Variants in BLTP1 observed in about 807,000 individuals in gnomAD.
The protein encoded by BLTP1 is fragile site-associated protein.
the BLTP1 span, among the ~76,000 whole-genome samples, chr4:122,321,979 A>ATTTT: frequency 3.7e-5 from 1 of 27,020 alleles, no homozygotes; most frequent in East Asian, 1.3e-3. Context: ...ACTACATGTA[A>ATTTT]TTTTTTTTTT....
At chr4:122,309,078 A>T in the BLTP1 span, 1 of 315,328 alleles carries the variant, frequency 3.2e-6, no homozygotes, top group Non-Finnish European at 4.6e-6. Context: ...TAAGAAAAAA[A>T]ATGCACATGG....
At chr4:122,299,717 ATAT>A in the BLTP1 span, 814 of 814,642 alleles carry the variant, frequency 1.0e-3, 6 homozygotes, top group African/African-American at 0.014. Context: ...TGGGGGGGTG[ATAT>A]TATATACACA....
chr4:122,206,898 C>T, the BLTP1 span, among the ~76,000 whole-genome samples: 1 of 151,288 alleles, frequency 6.6e-6, no homozygotes, highest in Non-Finnish European at 1.5e-5. Flanking sequence ...TATAAAATTT[C>T]TCTTATTTGG....
chr4:122,274,297 T>G, the BLTP1 span: 1 of 993,246 alleles, frequency 1.0e-6, no homozygotes, highest in Non-Finnish European at 1.6e-6. Flanking sequence ...GAAATGCAAG[T>G]ATCTTATATC....
the BLTP1 span, chr4:122,197,115 C>A: frequency 1.3e-6 from 1 of 758,068 alleles, no homozygotes; most frequent in South Asian, 2.3e-5. Flanking sequence ...ATAATTTCTT[C>A]TGTAATAATA....
At chr4:122,262,512 G>A in the BLTP1 span, among the ~76,000 whole-genome samples, 1 of 152,056 alleles carries the variant, frequency 6.6e-6, no homozygotes, top group African/African-American at 2.4e-5. Context: ...AAAATAAGTG[G>A]ATGTGCTTCA....
the BLTP1 span, among the ~76,000 whole-genome samples, chr4:122,338,880 T>C: frequency 6.6e-6 from 1 of 152,182 alleles, no homozygotes; most frequent in Non-Finnish European, 1.5e-5. Flanking sequence ...AATGATAGCA[T>C]TTTGTTTATA....
chr4:122,275,345 A>G, the BLTP1 span, among the ~76,000 whole-genome samples: 2 of 152,232 alleles, frequency 1.3e-5, no homozygotes, highest in African/African-American at 4.8e-5. Context: ...AGAAAGATCA[A>G]CATAGTGCCT....
the BLTP1 span, chr4:122,251,624 C>G: frequency 1.0e-6 from 1 of 984,286 alleles, no homozygotes; most frequent in Non-Finnish European, 1.2e-6. Context: ...TCTCCTTCAC[C>G]TACTAAAATA....
chr4:122,218,851 G>C, the BLTP1 span, among the ~76,000 whole-genome samples: 1 of 152,132 alleles, frequency 6.6e-6, no homozygotes, highest in African/African-American at 2.4e-5. Context: ...AACCAAGATT[G>C]GATATTTTTA....
chr4:122,208,197 CAT>C, the BLTP1 span: 2 of 767,148 alleles, frequency 2.6e-6, no homozygotes, highest in Non-Finnish European at 3.2e-6. Context: ...GACACTATTC[CAT>C]GTGCTTTATG....
At chr4:122,266,639 T>TATA in the BLTP1 span, 1 of 572,882 alleles carries the variant, frequency 1.7e-6, no homozygotes, top group East Asian at 3.3e-5. Context: ...GTCAATTATA[T>TATA]GAGACCATTT....
chr4:122,277,201 C>T, the BLTP1 span: 1 of 457,446 alleles, frequency 2.2e-6, no homozygotes, highest in Admixed American at 6.4e-5. Context: ...GTTAGCTGGG[C>T]ATGGTGGCAC....
At chr4:122,267,051 A>ATTTTTTTATTTTTTTTTT in the BLTP1 span, 1 of 138,564 alleles carries the variant, frequency 7.2e-6, no homozygotes, top group Non-Finnish European at 1.3e-5. Context: ...TAAGGAAGTA[A>ATTTTTTTATTTTTTTTTT]TTTTTTTTTT....
At chr4:122,159,852 A>G in the BLTP1 span, among the ~76,000 whole-genome samples, 8 of 152,144 alleles carry the variant, frequency 5.3e-5, no homozygotes, top group African/African-American at 1.9e-4. Flanking sequence ...GACAATTTCT[A>G]TTATTTCTGA....
the BLTP1 span, among the ~76,000 whole-genome samples, chr4:122,248,578 ATATG>A: frequency 6.6e-6 from 1 of 152,046 alleles, no homozygotes; most frequent in South Asian, 2.1e-4. Context: ...ATACATCTGA[ATATG>A]TATGGGATTA....
chr4:122,267,082 G>A, the BLTP1 span: 7 of 253,774 alleles, frequency 2.8e-5, no homozygotes, highest in African/African-American at 2.1e-4. Context: ...TTTTTGAGAC[G>A]GAGTCTCGCT....
the BLTP1 span, among the ~76,000 whole-genome samples, chr4:122,319,839 A>G: frequency 6.6e-6 from 1 of 151,432 alleles, no homozygotes; most frequent in Admixed American, 6.6e-5. Flanking sequence ...ATGCCTGGCC[A>G]TGATTTATAA....
the BLTP1 span, chr4:122,261,653 A>T: frequency 3.2e-5 from 32 of 984,932 alleles, no homozygotes; most frequent in Admixed American, 6.2e-5. Context: ...TAGTGTTAAG[A>T]ATTTGAAGGT....
Sources: gnomAD v4.1 joint callset for allele counts (sites outside exome capture counted in the v4.1 genomes callset) on GRCh38, gnomAD v4.1.1 for gene constraint, MANE v1.5 for transcripts, NCBI Gene and HGNC (gene_info 2026-07-23, HGNC 2026-07-21) for gene names.